Variants in GRM1 observed in about 807,000 individuals in gnomAD.
GRM1 encodes glutamate metabotropic receptor 1.
Under a neutral mutation model 90.9 loss-of-function variants are expected in GRM1, and 33 were observed. That is an observed-to-expected ratio of 0.36 (90% CI 0.28 to 0.49). GRM1 has a LOEUF of 0.49. Among genes scored for constraint, GRM1 ranks in the 20% least tolerant of loss-of-function variants. GRM1 has a pLI of 0.99. For synonymous variants in GRM1, 700 were observed against 613.2 expected (o/e 1.14, Z -2.09); for missense variants, 1,190 against 1,534.3 (o/e 0.78, Z 3.75).
At chr6:146,228,365 C>T (rs1326492759) in intron 2 of GRM1, among the ~76,000 whole-genome samples, 4 of 152,106 alleles carry the variant, frequency 2.6e-5, no homozygotes, top group Non-Finnish European at 5.9e-5. Context: ...AAGCATTTGC[C>T]TGCAAAAGAA....
chr6:146,104,850 T>C (rs1354611991), intron 1 of GRM1, among the ~76,000 whole-genome samples: 4 of 152,252 alleles, frequency 2.6e-5, no homozygotes, highest in Admixed American at 1.3e-4. Context: ...TTAGATCTTC[T>C]ACAAAGATGG....
chr6:146,045,281 C>T (rs529826385), intron 1 of GRM1, among the ~76,000 whole-genome samples: 1 of 151,982 alleles, frequency 6.6e-6, no homozygotes, highest in East Asian at 1.9e-4. Flanking sequence ...ATTAGCTAAC[C>T]TGAATAATTA....
At chr6:146,233,732 T>C (rs1780527913) in intron 2 of GRM1, among the ~76,000 whole-genome samples, 1 of 152,144 alleles carries the variant, frequency 6.6e-6, no homozygotes, top group Non-Finnish European at 1.5e-5. Flanking sequence ...AGTTTACTTA[T>C]AGTCTAGAGT....
intron 2 of GRM1, among the ~76,000 whole-genome samples, chr6:146,263,346 G>T (rs1022667062): frequency 6.6e-6 from 1 of 151,958 alleles, no homozygotes; most frequent in South Asian, 2.1e-4. Flanking sequence ...TTATTAGTAT[G>T]ATTGCAGTTT....
At chr6:146,364,310 G>A (rs1447466932) in intron 5 of GRM1, among the ~76,000 whole-genome samples, 2 of 152,196 alleles carry the variant, frequency 1.3e-5, no homozygotes, top group Non-Finnish European at 2.9e-5. Context: ...CCACGACAGT[G>A]TGAGGAGGAA....
chr6:146,030,085 A>G lies in GRM1; in HGVS notation c.568A>G (p.Ile190Val). Residue 190 changes from isoleucine (I) to valine (V), a missense_variant, in exon 1 of 8, where the codon ATC becomes GTC. Coordinates refer to ENST00000282753, the MANE Select transcript of GRM1 (RefSeq NM_001278064.2). ...CCAGATCGCTTATTCAGCCACAAGC[A>G]TCGACCTGAGTGACAAAACTTTGTA... ...IPQIAYSATS[I>V]DLSDKTLYKY... 6.2e-7 allele frequency: 1 copy of G among 1,614,238 alleles called. No homozygotes were observed. Among genetic ancestry groups the G allele is most frequent in the Non-Finnish European group, 8.5e-7 (1 of 1,180,036 alleles).
chr6:146,275,518 C>T (rs964975610), intron 2 of GRM1, among the ~76,000 whole-genome samples: 1 of 151,946 alleles, frequency 6.6e-6, no homozygotes. Flanking sequence ...TTCTCTCTCT[C>T]GCTCTCTGTC....
intron 1 of GRM1, among the ~76,000 whole-genome samples, chr6:146,081,079 G>T (rs1582974033): frequency 6.6e-6 from 1 of 152,160 alleles, no homozygotes; most frequent in Non-Finnish European, 1.5e-5. Flanking sequence ...GGAAGAATAA[G>T]GTCCGTCTCA....
intron 3 of GRM1, among the ~76,000 whole-genome samples, chr6:146,308,201 T>G (rs1783647465): frequency 6.6e-6 from 1 of 152,162 alleles, no homozygotes; most frequent in Non-Finnish European, 1.5e-5. Flanking sequence ...TGAAGCACTA[T>G]CACTGGGTCC....
chr6:146,054,781 T>G (rs914420479), intron 1 of GRM1, among the ~76,000 whole-genome samples: 1 of 152,112 alleles, frequency 6.6e-6, no homozygotes, highest in Non-Finnish European at 1.5e-5. Context: ...AGGACAAAGA[T>G]TCAACTGACA....
Position 146,082,157 on chromosome 6 carries a change from G to A in GRM1, c.700+51940G>A, listed in dbSNP as rs569171911. ...TAAGGAATTCTGTGATTTTTTGTTC[G>A]GTTGGTTTCTTTTTTTGAGACAGAG... On this transcript the variant is annotated intron_variant, in intron 1 of 7. Transcript: ENST00000282753. Among the ~76,000 whole-genome samples, 23 of 151,932 alleles carry A rather than the reference G, an allele frequency of 1.5e-4. No homozygotes were observed. In the East Asian group the frequency reaches 1.7e-3, roughly 12 times the overall value.
chr6:146,251,892 C>G (rs1781298033), intron 2 of GRM1, among the ~76,000 whole-genome samples: 1 of 152,170 alleles, frequency 6.6e-6, no homozygotes, highest in African/African-American at 2.4e-5. Flanking sequence ...CATTGTACTT[C>G]TCTCTGCCTG....
chr6:146,073,386 T>C (rs1435714604), intron 1 of GRM1, among the ~76,000 whole-genome samples: 1 of 152,128 alleles, frequency 6.6e-6, no homozygotes, highest in Non-Finnish European at 1.5e-5. Flanking sequence ...AAGTAAGGCA[T>C]GGTGTAGTAA....
chr6:146,261,665 C>A (rs1007927706), intron 2 of GRM1, among the ~76,000 whole-genome samples: 1 of 151,908 alleles, frequency 6.6e-6, no homozygotes, highest in Non-Finnish European at 1.5e-5. Flanking sequence ...AGCCCTAAGC[C>A]TAACTGCCTT....
At chr6:146,332,733 G>C (rs193054964) in intron 3 of GRM1, among the ~76,000 whole-genome samples, 2 of 152,292 alleles carry the variant, frequency 1.3e-5, no homozygotes, top group East Asian at 3.9e-4. Context: ...TCTGTAGGGG[G>C]CCATTCTGCC....
chr6:146,362,105 G>A (rs143853588), intron 5 of GRM1, among the ~76,000 whole-genome samples: 11 of 152,012 alleles, frequency 7.2e-5, no homozygotes, highest in Admixed American at 2.6e-4. Flanking sequence ...TTTCTTTTTC[G>A]TCTTAAGTTT....
chr6:146,314,382 TC>T (rs1783891601), intron 3 of GRM1, among the ~76,000 whole-genome samples: 1 of 152,180 alleles, frequency 6.6e-6, no homozygotes, highest in African/African-American at 2.4e-5. Context: ...AGAGTAGTGC[TC>T]CATTATTTGT....
At chr6:146,110,989 A>T (rs1370814375) in intron 1 of GRM1, among the ~76,000 whole-genome samples, 2 of 152,222 alleles carry the variant, frequency 1.3e-5, no homozygotes, top group African/African-American at 2.4e-5. Flanking sequence ...TTCAAAAATC[A>T]TGATTGGCTA....
chr6:146,209,327 G>A (rs1779601356), intron 2 of GRM1, among the ~76,000 whole-genome samples: 1 of 152,122 alleles, frequency 6.6e-6, no homozygotes, highest in Non-Finnish European at 1.5e-5. Flanking sequence ...GTCCTAGAGA[G>A]TGCAATTAAC....
Sources: allele counts gnomAD v4.1 joint callset (sites outside exome capture counted in the v4.1 genomes callset), GRCh38; gene constraint gnomAD v4.1.1; transcripts MANE v1.5; gene names NCBI Gene and HGNC (gene_info 2026-07-23, HGNC 2026-07-21).